The following HERC2 variants were observed in gnomAD, a reference collection of about 807,000 sequenced individuals.
HERC2 encodes HECT and RLD domain containing E3 ubiquitin protein ligase 2, also known as E3 ubiquitin-protein ligase HERC2.
A neutral mutation model predicts 537.7 loss-of-function variants in HERC2; 102 were observed. That is an observed-to-expected ratio of 0.19 (90% CI 0.16 to 0.22). HERC2 has a LOEUF of 0.22. Among genes scored for constraint, HERC2 ranks in the 10% least tolerant of loss-of-function variants. HERC2 has a pLI of 1.00. For missense variants in HERC2, 4,236 were observed against 6,198.2 expected, an observed-to-expected ratio of 0.68 and a Z score of 10.63; for synonymous variants, 2,224 against 2,466.2, an observed-to-expected ratio of 0.90 and a Z score of 2.91.
chr15:28,117,238 A>T (rs1178094741), intron 86 of HERC2, 84 bp from the exon 87 acceptor site: 2 of 1,375,756 alleles, frequency 1.5e-6, no homozygotes, highest in African/African-American at 2.8e-5. Flanking sequence ...TGGCGAATGC[A>T]CGAGGAGGAG....
At chr15:28,209,600 C>A (rs1288541297) in intron 44 of HERC2, among the ~76,000 whole-genome samples, 2 of 152,174 alleles carry the variant, frequency 1.3e-5, no homozygotes, top group Non-Finnish European at 2.9e-5. Context: ...GCCTTAGCCT[C>A]CCAAAGTGCT....
chr15:28,283,032 CAAAAAAAAAAAAA>C (rs35092122), intron 4 of HERC2, among the ~76,000 whole-genome samples: 4 of 47,428 alleles, frequency 8.4e-5, no homozygotes, highest in African/African-American at 3.1e-4. Context: ...AATGTCCCAG[CAAAAAAAAAAAAA>C]AAAAAAAAAA....
chr15:28,147,259 C>G (rs539752250), intron 70 of HERC2, among the ~76,000 whole-genome samples: 1 of 152,064 alleles, frequency 6.6e-6, no homozygotes, highest in Non-Finnish European at 1.5e-5. Context: ...ACAAGATTTT[C>G]GTCTAGGAAA....
At chr15:28,263,190 T>C in intron 14 of HERC2, 21 bp from the exon 15 acceptor site, 2 of 1,592,426 alleles carry the variant, frequency 1.3e-6, no homozygotes, top group Non-Finnish European at 1.7e-6. Flanking sequence ...CAAATGCATT[T>C]AAATAACAAC....
intron 14 of HERC2, among the ~76,000 whole-genome samples, chr15:28,264,020 CAAAA>C (rs34823980): frequency 7.2e-5 from 6 of 83,702 alleles, no homozygotes; most frequent in African/African-American, 2.2e-4. Context: ...CTTTGTCTTA[CAAAA>C]AAAAAAAAAA....
chr15:28,167,521 C>T (rs571229189), intron 68 of HERC2, among the ~76,000 whole-genome samples, 166 bp downstream of exon 68: 41 of 152,322 alleles, frequency 2.7e-4, no homozygotes, highest in African/African-American at 9.1e-4. Context: ...GTGACAGGGA[C>T]CGTGTCCTGC....
At chr15:28,115,037 G>T (rs1566906252) in intron 89 of HERC2, among the ~76,000 whole-genome samples, 1 of 152,014 alleles carries the variant, frequency 6.6e-6, no homozygotes, top group Non-Finnish European at 1.5e-5. Context: ...TAACCACCGA[G>T]AAAGTTACAG....
At chr15:28,248,948 GATA>G (rs1903992472) in intron 20 of HERC2, among the ~76,000 whole-genome samples, 1 of 152,212 alleles carries the variant, frequency 6.6e-6, no homozygotes, top group African/African-American at 2.4e-5. Context: ...GCTCAAAAGA[GATA>G]ATGATGCCCT....
Position 28,113,175 on chromosome 15 carries a change from A to G in HERC2, c.14128T>C (p.Ser4710Pro). 6.2e-7 allele frequency: 1 copy of G among 1,613,810 alleles called. No homozygotes were observed. The highest frequency in any genetic ancestry group is 8.5e-7 in the Non-Finnish European group (1 of 1,179,922). The change falls in exon 92 of 93, where the codon TCC becomes CCC. Residue 4710 changes from serine to proline, a missense_variant. Transcript: ENST00000261609. The surrounding 1 kb of genome is among the most constrained non-coding windows in gnomAD (Gnocchi z 7.0). ...AGAGAGCGCTCTGTGTTGGAGAAGG[A>G]CTCCATCACCTCCCAGAACCACTGG... ...LIQWFWEVME[S>P]FSNTERSLFL...
At position 28,183,104 on chromosome 15, in the gene HERC2, G is replaced by T. The variant is rs538839844; in HGVS notation, c.8826-592C>A. Among the ~76,000 whole-genome samples the T allele has an allele frequency of 4.6e-5, 7 of 152,232 alleles. No individual in the cohort carries two copies. The South Asian group carries it at 1.5e-3, about 32-fold the overall frequency. Reference sequence around the variant, plus strand: ...CACCGGCCAGAGGAACCTGATCATCGGCCAGCTAAGCTGAAAGTCCTCGTC... The same window carrying T: ...CACCGGCCAGAGGAACCTGATCATCTGCCAGCTAAGCTGAAAGTCCTCGTC... On this transcript the variant is annotated intron_variant, in intron 56 of 92. Coordinates refer to ENST00000261609, the MANE Select transcript of HERC2 (RefSeq NM_004667.6).
At chr15:28,251,197 C>G (rs1044013881) in intron 20 of HERC2, among the ~76,000 whole-genome samples, 1 of 152,206 alleles carries the variant, frequency 6.6e-6, no homozygotes, top group Admixed American at 6.5e-5. Context: ...AATCCCAACA[C>G]TTTTGGAGGC....
chr15:28,212,518 A>G lies in HERC2; in HGVS notation c.6852T>C (p.Ala2284=). The change falls in exon 43 of 93, where the codon GCT becomes GCC. Residue 2284 remains alanine (A), a synonymous_variant. Coordinates refer to ENST00000261609, the MANE Select transcript of HERC2 (RefSeq NM_004667.6). ...PFTEPMLSVW[A]QLVNLAGSKL... is the part of the protein sequence containing the mutation. ...TGCTTCCAGCGAGGTTCACCAACTG[A>G]GCCCAGACAGACAGCATGGGCTCTG... 6.3e-7 allele frequency: 1 copy of G among 1,579,408 alleles called. No homozygotes were observed. Among genetic ancestry groups the G allele is most frequent in the Non-Finnish European group, 8.7e-7 (1 of 1,151,038 alleles).
chr15:28,266,733 G>A (rs1355186639), intron 12 of HERC2, among the ~76,000 whole-genome samples: 3 of 152,124 alleles, frequency 2.0e-5, no homozygotes, highest in Admixed American at 6.6e-5. Context: ...TAACAACAGA[G>A]GGCAGATCAG....
intron 56 of HERC2, among the ~76,000 whole-genome samples, chr15:28,185,658 C>T (rs1457847950): frequency 6.6e-6 from 1 of 152,190 alleles, no homozygotes; most frequent in Non-Finnish European, 1.5e-5. Flanking sequence ...TCATTCTCCT[C>T]TGGTATGCTG....
intron 16 of HERC2, 74 bp from the exon 17 acceptor site, chr15:28,257,335 G>T (rs1317165736): frequency 4.9e-5 from 62 of 1,261,226 alleles, no homozygotes; most frequent in Non-Finnish European, 6.5e-5. Flanking sequence ...AGTCACCAGC[G>T]TGTGTGATGG....
At chr15:28,299,549 T>A in intron 2 of HERC2, 33 bp from the exon 3 acceptor site, 1 of 1,139,950 alleles carries the variant, frequency 8.8e-7, no homozygotes, top group Non-Finnish European at 1.3e-6. Flanking sequence ...GCTTACAGAG[T>A]GCTCACACTC....
chr15:28,258,687 A>T (rs2075334609), intron 16 of HERC2, among the ~76,000 whole-genome samples: 1 of 152,208 alleles, frequency 6.6e-6, no homozygotes, highest in Non-Finnish European at 1.5e-5. Context: ...GAAACTAGAA[A>T]AAGAACAAAG....
At chr15:28,251,569 G>A (rs533280358) in intron 20 of HERC2, among the ~76,000 whole-genome samples, 5 of 152,296 alleles carry the variant, frequency 3.3e-5, no homozygotes, top group African/African-American at 1.2e-4. Context: ...GGGAGGCCAA[G>A]GCGGGCAGAT....
At chr15:28,119,399 C>CAAAA (rs201078187) in intron 86 of HERC2, among the ~76,000 whole-genome samples, 20 of 133,954 alleles carry the variant, frequency 1.5e-4, no homozygotes, top group African/African-American at 6.3e-4. Context: ...GACTCCCTCT[C>CAAAA]AAAAAAAAAA....
Sources: gnomAD v4.1 joint callset for allele counts (sites outside exome capture counted in the v4.1 genomes callset) on GRCh38, gnomAD v4.1.1 for gene constraint, Gnocchi (gnomAD v3.1) non-coding constraint, MANE v1.5 for transcripts, NCBI Gene and HGNC (gene_info 2026-07-23, HGNC 2026-07-21) for gene names.